The following CADPS2 variants were observed in gnomAD, a reference collection of about 807,000 sequenced individuals.
CADPS2 encodes calcium-dependent secretion activator 2.
A neutral mutation model predicts 172.5 loss-of-function variants in CADPS2; 93 were observed. The observed-to-expected ratio is 0.54, with a 90% CI of 0.46 to 0.64. CADPS2 has a LOEUF of 0.64. CADPS2 is among the 30% of genes least tolerant of loss of function. CADPS2 has a pLI of 0.00. For synonymous variants in CADPS2, 546 were observed against 555.2 expected (o/e 0.98, Z 0.23); for missense variants, 1,420 against 1,565.9 (o/e 0.91, Z 1.57).
chr7:122,541,770 T>C (rs1587023349), intron 8 of CADPS2, among the ~76,000 whole-genome samples: 1 of 145,270 alleles, frequency 6.9e-6, no homozygotes, highest in South Asian at 2.1e-4. Context: ...TATTTATATA[T>C]TCACATATAT....
At chr7:122,436,440 A>C (rs1304440979) in intron 17 of CADPS2, 1 of 986,738 alleles carries the variant, frequency 1.0e-6, no homozygotes, top group African/African-American at 1.8e-5. Flanking sequence ...TCGTTCATAT[A>C]ATGTAAAAGG....
chr7:122,595,886 C>T (rs929773765), intron 6 of CADPS2, among the ~76,000 whole-genome samples: 3 of 151,988 alleles, frequency 2.0e-5, no homozygotes, highest in East Asian at 3.9e-4. Flanking sequence ...TCAACAAAAG[C>T]ATGATGCATA....
Position 122,325,482 on chromosome 7 carries a change from C to T in CADPS2, c.3712G>A (p.Val1238Met), listed in dbSNP as rs764336919. Reference protein sequence around the residue: ...IYQLKTLIKIVKKTYRDFRLQ... With the variant: ...IYQLKTLIKIMKKTYRDFRLQ... ...TCTAAACACATTTTGTTTACCTTCA[C>T]AATCTTGATGAGCGTCTTCAGCTGG... The change falls in exon 29 of 30, where the codon GTG (valine) becomes ATG (methionine). Residue 1238 changes from valine to methionine, a missense_variant. Val to Met is a conservative substitution (Grantham distance 21). Coordinates refer to ENST00000449022, the MANE Select transcript of CADPS2 (RefSeq NM_017954.11). The T allele has an allele frequency of 3.7e-6, 6 of 1,602,722 alleles. No homozygotes were observed. In the South Asian group the frequency reaches 5.6e-5, roughly 15 times the overall value.
At chr7:122,457,530 C>T (rs762153573) in intron 14 of CADPS2, among the ~76,000 whole-genome samples, 18 of 152,242 alleles carry the variant, frequency 1.2e-4, no homozygotes, top group Non-Finnish European at 2.2e-4. Context: ...ATGCAAATTA[C>T]GCAACCCTTT....
chr7:122,472,472 C>A (rs921772622), intron 13 of CADPS2, among the ~76,000 whole-genome samples: 6 of 152,158 alleles, frequency 3.9e-5, no homozygotes, highest in African/African-American at 1.4e-4. Context: ...CAAGACTACA[C>A]TGCAAATCAG....
At chr7:122,656,270 G>GA (rs2079776033) in intron 3 of CADPS2, among the ~76,000 whole-genome samples, 1 of 152,044 alleles carries the variant, frequency 6.6e-6, no homozygotes, top group Non-Finnish European at 1.5e-5. Context: ...GGCCATGGCA[G>GA]AAAAAAGGGG....
intron 17 of CADPS2, among the ~76,000 whole-genome samples, chr7:122,425,763 G>A (rs551004878): frequency 6.6e-6 from 1 of 152,008 alleles, no homozygotes; most frequent in Admixed American, 6.5e-5. Context: ...TTCAAATTCA[G>A]AAACTGAAAA....
chr7:122,354,538 C>G (rs1166639110), intron 27 of CADPS2: 1 of 152,098 alleles, frequency 6.6e-6, no homozygotes, highest in Non-Finnish European at 1.5e-5. Context: ...TTGCTATCAG[C>G]TACATCTTAC....
intron 1 of CADPS2, among the ~76,000 whole-genome samples, chr7:122,872,343 T>G (rs1400796856): frequency 1.3e-5 from 2 of 152,102 alleles, no homozygotes; most frequent in Non-Finnish European, 2.9e-5. Context: ...TCTCTGTCAT[T>G]TCAGGTGTTC....
Position 122,386,439 on chromosome 7 carries a change from G to T in CADPS2, c.3312+587C>A, listed in dbSNP as rs1291532806. On this transcript the variant is annotated intron_variant, in intron 24 of 29. Coordinates refer to ENST00000449022, the MANE Select transcript of CADPS2 (RefSeq NM_017954.11). ...AATCAACTTAAAACAGATAATTGAA[G>T]AAAAATAAATCAATTTTCACCCAAT... 9.7e-6 allele frequency: 5 copies of T among 513,150 alleles called. No homozygotes were observed. The African/African-American group carries it at 1.0e-4, about 10-fold the overall frequency. The allele number at this position is 513,150 out of a possible 1,614,324, so 31.8% of individuals were successfully genotyped here. A position where few individuals can be genotyped will look rare whatever the true frequency, so the allele number is the denominator to read the frequency against.
intron 1 of CADPS2, among the ~76,000 whole-genome samples, chr7:122,831,439 T>G (rs2140601929): frequency 6.6e-6 from 1 of 152,342 alleles, no homozygotes; most frequent in East Asian, 1.9e-4. Context: ...CCATCAGAAC[T>G]TATAATCACA....
chr7:122,407,807 G>T (rs535109813), intron 19 of CADPS2, 111 bp from the exon 20 acceptor site: 2 of 1,044,160 alleles, frequency 1.9e-6, no homozygotes, highest in South Asian at 1.4e-5. Flanking sequence ...TCACAAACAG[G>T]TATGATAAAC....
intron 2 of CADPS2, among the ~76,000 whole-genome samples, chr7:122,677,409 G>A (rs1370067882): frequency 4.6e-5 from 7 of 152,202 alleles, no homozygotes; most frequent in Non-Finnish European, 8.8e-5. Context: ...CTGCAGTGAA[G>A]GGCCTGAGAG....
Position 122,737,075 on chromosome 7 carries a change from GAA to G in CADPS2, c.340-9_340-8del. The G allele has an allele frequency of 6.8e-7, 1 of 1,479,976 alleles. No homozygotes were observed. Among genetic ancestry groups the G allele is most frequent in the Non-Finnish European group, 9.4e-7 (1 of 1,062,124 alleles). The allele number at this position is 1,479,976 out of a possible 1,614,324, so 91.7% of individuals were successfully genotyped here. The stretch of plus-strand genomic sequence containing the variant: ...GCAACTGTTGTTTGTTAAGCTACAA[GAA>G]AAAGAGAAAATAAGCAGATAAATTG... On this transcript the variant is annotated splice_region_variant and splice_polypyrimidine_tract_variant and intron_variant, in intron 1 of 29. Coordinates refer to ENST00000449022, the MANE Select transcript of CADPS2 (RefSeq NM_017954.11).
At chr7:122,723,009 C>T (rs1348979273) in intron 2 of CADPS2, among the ~76,000 whole-genome samples, 4 of 151,984 alleles carry the variant, frequency 2.6e-5, no homozygotes, top group East Asian at 1.9e-4. Context: ...CCCTTCCTTA[C>T]ACCTTATACA....
chr7:122,783,202 A>G (rs548295370), intron 1 of CADPS2, among the ~76,000 whole-genome samples: 1 of 151,834 alleles, frequency 6.6e-6, no homozygotes, highest in Non-Finnish European at 1.5e-5. Context: ...CAAAAAAAAA[A>G]AAAAACAAAA....
At chr7:122,847,613 T>C (rs1812355863) in intron 1 of CADPS2, among the ~76,000 whole-genome samples, 1 of 152,020 alleles carries the variant, frequency 6.6e-6, no homozygotes, top group African/African-American at 2.4e-5. Flanking sequence ...TTTTTTCTTG[T>C]CATCATTAAC....
intron 1 of CADPS2, among the ~76,000 whole-genome samples, chr7:122,786,433 T>C (rs898881456): frequency 1.3e-5 from 2 of 152,198 alleles, no homozygotes; most frequent in African/African-American, 2.4e-5. Flanking sequence ...TTATAAATTA[T>C]AGATGTTCAG....
intron 20 of CADPS2, among the ~76,000 whole-genome samples, chr7:122,403,673 A>G (rs1391463445): frequency 1.3e-5 from 2 of 152,188 alleles, no homozygotes; most frequent in East Asian, 3.8e-4. Context: ...ACAAATTTAC[A>G]CTTGCATTGA....
Sources: allele counts gnomAD v4.1 joint callset (sites outside exome capture counted in the v4.1 genomes callset), GRCh38; gene constraint gnomAD v4.1.1; transcripts MANE v1.5; gene names NCBI Gene and HGNC (gene_info 2026-07-23, HGNC 2026-07-21).